Variants in PITPNB observed in about 807,000 individuals in gnomAD.
PITPNB encodes phosphatidylinositol transfer protein beta.
A neutral mutation model predicts 45.9 loss-of-function variants in PITPNB; 16 were observed. The observed-to-expected ratio is 0.35, with a 90% CI of 0.24 to 0.53. PITPNB has a LOEUF of 0.53. Ranked by LOEUF, PITPNB falls within the 20% of genes least tolerant of loss-of-function variation. PITPNB has a pLI of 0.93. For synonymous variants in PITPNB, 112 were observed against 108.9 expected, an observed-to-expected ratio of 1.03 and a Z score of -0.18; for missense variants, 188 against 330.5, an observed-to-expected ratio of 0.57 and a Z score of 3.34.
At chr22:27,854,817 G>C in intron 11 of PITPNB, 37 bp downstream of exon 11, 2 of 1,322,180 alleles carry the variant, frequency 1.5e-6, no homozygotes, top group Non-Finnish European at 2.2e-6. Flanking sequence ...AAAAGGTACA[G>C]GTTTCGAAAC....
chr22:27,898,545 G>C (rs1935499711), intron 3 of PITPNB, among the ~76,000 whole-genome samples: 1 of 151,924 alleles, frequency 6.6e-6, no homozygotes, highest in African/African-American at 2.4e-5. Context: ...TAGTTCTTAA[G>C]AGTTAGATGA....
At chr22:27,869,237 G>A (rs1216273282) in intron 8 of PITPNB, among the ~76,000 whole-genome samples, 1 of 152,058 alleles carries the variant, frequency 6.6e-6, no homozygotes, top group Admixed American at 6.6e-5. Context: ...ATCAAGTGCC[G>A]AACCCTAAGT....
chr22:27,900,074 G>C (rs1935548981), intron 3 of PITPNB, among the ~76,000 whole-genome samples: 1 of 152,002 alleles, frequency 6.6e-6, no homozygotes, highest in African/African-American at 2.4e-5. Flanking sequence ...ATGGTGGTGG[G>C]TGCCTGCAAT....
At chr22:27,903,165 C>G (rs1935650213) in intron 3 of PITPNB, among the ~76,000 whole-genome samples, 1 of 152,048 alleles carries the variant, frequency 6.6e-6, no homozygotes, top group Non-Finnish European at 1.5e-5. Context: ...AAAGAAAACT[C>G]AATTTCAAAA....
At chr22:27,867,576 C>A (rs948670595) in intron 8 of PITPNB, among the ~76,000 whole-genome samples, 1 of 152,120 alleles carries the variant, frequency 6.6e-6, no homozygotes, top group African/African-American at 2.4e-5. Flanking sequence ...ATGGCTCACA[C>A]CCATTTTACT....
At chr22:27,897,073 T>C (rs1935456569) in intron 5 of PITPNB, 57 bp downstream of exon 5, 2 of 1,200,916 alleles carry the variant, frequency 1.7e-6, no homozygotes, top group African/African-American at 1.5e-5. Context: ...ATAATTACTG[T>C]GTAAAACAAA....
intron 7 of PITPNB, among the ~76,000 whole-genome samples, chr22:27,877,466 C>T (rs1197800905): frequency 2.0e-5 from 3 of 152,192 alleles, no homozygotes; most frequent in Non-Finnish European, 4.4e-5. Context: ...ATTACTGAGT[C>T]TCCACACTGG....
intron 1 of PITPNB, 69 bp from the exon 2 acceptor site, chr22:27,914,416 G>A (rs962610037): frequency 1.1e-6 from 1 of 914,804 alleles, no homozygotes; most frequent in Non-Finnish European, 1.7e-6. Context: ...CTCTGAAGAG[G>A]TTTTACCTTA....
At chr22:27,860,287 A>C in intron 8 of PITPNB, 46 bp from the exon 9 acceptor site, 1 of 1,167,286 alleles carries the variant, frequency 8.6e-7, no homozygotes, top group Non-Finnish European at 1.3e-6. Flanking sequence ...TTAAATATTT[A>C]TGTTTTCATT....
At chr22:27,887,579 C>A (rs920716689) in intron 7 of PITPNB, among the ~76,000 whole-genome samples, 1 of 151,380 alleles carries the variant, frequency 6.6e-6, no homozygotes, top group African/African-American at 2.4e-5. Context: ...CCAGGTCTAA[C>A]AGGCGACCCA....
intron 7 of PITPNB, among the ~76,000 whole-genome samples, chr22:27,885,978 G>A (rs1935113095): frequency 6.6e-6 from 1 of 152,196 alleles, no homozygotes; most frequent in Non-Finnish European, 1.5e-5. Flanking sequence ...CTAGCTTACT[G>A]AGGAAGACTT....
chr22:27,884,692 C>T (rs1025392499), intron 7 of PITPNB, among the ~76,000 whole-genome samples: 2 of 152,080 alleles, frequency 1.3e-5, no homozygotes, highest in African/African-American at 2.4e-5. Flanking sequence ...TGCTGAAAGA[C>T]GAGGGGAAAA....
Sources: gnomAD v4.1 joint callset for allele counts (sites outside exome capture counted in the v4.1 genomes callset) on GRCh38, gnomAD v4.1.1 for gene constraint, MANE v1.5 for transcripts, NCBI Gene and HGNC (gene_info 2026-07-23, HGNC 2026-07-21) for gene names.